The following NAV1 variants were observed in gnomAD, a reference collection of about 807,000 sequenced individuals.
NAV1 encodes the protein neuron navigator 1.
A neutral mutation model predicts 175.2 loss-of-function variants in NAV1; 18 were observed. The observed-to-expected ratio is 0.10, with a 90% confidence interval of 0.07 to 0.15. The LOEUF (loss-of-function observed/expected upper bound fraction) is 0.15. Ranked by LOEUF, NAV1 falls within the 10% of genes least tolerant of loss-of-function variation. The pLI, the probability that NAV1 is intolerant of heterozygous loss-of-function variation, is 1.00. For missense variants in NAV1, 1,731 were observed against 2,436.6 expected (o/e 0.71, Z 6.10); for synonymous variants, 897 against 978.7 (o/e 0.92, Z 1.56).
chr1:201,721,478 G>T (rs934851727), intron 3 of NAV1, among the ~76,000 whole-genome samples: 2 of 147,964 alleles, frequency 1.4e-5, no homozygotes, highest in African/African-American at 2.7e-5. Context: ...GGATTCCAGC[G>T]ACTCTTTAAG....
intron 1 of NAV1, among the ~76,000 whole-genome samples, chr1:201,663,214 G>A (rs1430724827): frequency 6.6e-6 from 1 of 152,342 alleles, no homozygotes; most frequent in East Asian, 1.9e-4. Flanking sequence ...AGTTGCCTTT[G>A]GCAAAGGTTT....
chr1:201,627,738 T>C (rs1402615631), intron 1 of NAV1, among the ~76,000 whole-genome samples: 1 of 152,102 alleles, frequency 6.6e-6, no homozygotes, highest in Non-Finnish European at 1.5e-5. Context: ...ACCAATATGT[T>C]GCATCCCCTA....
chr1:201,702,871 A>G (rs914976197), intron 1 of NAV1, among the ~76,000 whole-genome samples: 17 of 152,146 alleles, frequency 1.1e-4, no homozygotes, highest in Non-Finnish European at 1.9e-4. Context: ...GTTTTTCTCA[A>G]CTGTAAAATG....
chr1:201,574,859 G>A (rs994285749), intron 1 of NAV1, among the ~76,000 whole-genome samples: 2 of 152,156 alleles, frequency 1.3e-5, no homozygotes, highest in African/African-American at 4.8e-5. Context: ...GGGGCTTGTT[G>A]CCCCCGCCAC....
At chr1:201,700,581 C>A (rs1671372576) in intron 1 of NAV1, among the ~76,000 whole-genome samples, 1 of 152,180 alleles carries the variant, frequency 6.6e-6, no homozygotes, top group Admixed American at 6.5e-5. Context: ...GATTCCATTA[C>A]TAAGTATATA....
At chr1:201,550,010 CAAAAAAAA>C (rs1186985996) in intron 1 of NAV1, among the ~76,000 whole-genome samples, 2 of 17,696 alleles carry the variant, frequency 1.1e-4, no homozygotes. Context: ...GACTCCATCT[CAAAAAAAA>C]AAAAAAAAAA....
chr1:201,790,793 CA>C, intron 13 of NAV1, 27 bp downstream of exon 17: 1 of 1,611,928 alleles, frequency 6.2e-7, no homozygotes, highest in Non-Finnish European at 8.5e-7. Context: ...ACGGAAAGAT[CA>C]AGGCAGTTAT....
chr1:201,607,158 C>T (rs1003909798), intron 2 of NAV1, among the ~76,000 whole-genome samples: 1 of 150,472 alleles, frequency 6.6e-6, no homozygotes, highest in Non-Finnish European at 1.5e-5. Flanking sequence ...CTCTGTCACC[C>T]AGGCTGGAGT....
At chr1:201,625,848 C>T (rs1668316532) in intron 1 of NAV1, among the ~76,000 whole-genome samples, 1 of 152,228 alleles carries the variant, frequency 6.6e-6, no homozygotes, top group Non-Finnish European at 1.5e-5. Flanking sequence ...GCTCAGAATT[C>T]TTCATTCAAA....
At chr1:201,806,038 G>A (rs1477332175) in intron 17 of NAV1, among the ~76,000 whole-genome samples, 1 of 148,824 alleles carries the variant, frequency 6.7e-6, no homozygotes, top group Non-Finnish European at 1.5e-5. Context: ...AGGCTGGAAT[G>A]CAGTGACGCG....
intron 3 of NAV1, among the ~76,000 whole-genome samples, chr1:201,727,140 C>G (rs1672641269): frequency 6.6e-6 from 1 of 152,196 alleles, no homozygotes; most frequent in Non-Finnish European, 1.5e-5. Context: ...ATCATAAATG[C>G]TGTCTTATGT....
At chr1:201,672,099 G>A (rs981977085) in intron 1 of NAV1, among the ~76,000 whole-genome samples, 5 of 152,000 alleles carry the variant, frequency 3.3e-5, no homozygotes, top group Admixed American at 6.5e-5. Flanking sequence ...TCACACTGAG[G>A]CCACTACTAA....
exon 30 of NAV1, chr1:201,823,025 T>C (rs1468878714): frequency 1.3e-5 from 2 of 152,630 alleles, no homozygotes; most frequent in South Asian, 4.1e-4. Context: ...ACTGGGATCC[T>C]TCAGAAAAGA....
intron 22 of NAV1, 72 bp downstream of exon 26, chr1:201,809,609 G>T: frequency 6.9e-7 from 1 of 1,439,494 alleles, no homozygotes; most frequent in Non-Finnish European, 9.6e-7. Flanking sequence ...TAGAGACAGG[G>T]TCTCACTCTT....
At chr1:201,753,031 G>T (rs1351291867) in intron 3 of NAV1, among the ~76,000 whole-genome samples, 2 of 152,086 alleles carry the variant, frequency 1.3e-5, no homozygotes, top group African/African-American at 4.8e-5. Flanking sequence ...CAAATTAAAG[G>T]TTACCTTGTA....
intron 7 of NAV1, 96 bp from the exon 12 acceptor site, chr1:201,785,214 G>T: frequency 7.5e-7 from 1 of 1,331,742 alleles, no homozygotes; most frequent in Admixed American, 2.0e-5. Flanking sequence ...TCTAGGGTCT[G>T]CATACCTCAC....
At chr1:201,627,163 T>C (rs1251121103) in intron 1 of NAV1, among the ~76,000 whole-genome samples, 3 of 152,198 alleles carry the variant, frequency 2.0e-5, no homozygotes, top group Non-Finnish European at 4.4e-5. Flanking sequence ...GGCACAGTCA[T>C]AGCTCACTGT....
intron 1 of NAV1, among the ~76,000 whole-genome samples, chr1:201,678,134 G>A (rs540632385): frequency 7.9e-5 from 12 of 152,252 alleles, no homozygotes; most frequent in Non-Finnish European, 1.8e-4. Flanking sequence ...TTGCATTTTC[G>A]CACCACCCTG....
At chr1:201,727,824 G>T (rs1672673910) in intron 3 of NAV1, among the ~76,000 whole-genome samples, 1 of 152,174 alleles carries the variant, frequency 6.6e-6, no homozygotes, top group African/African-American at 2.4e-5. Context: ...AGGAAGCATG[G>T]GTATTTATAT....
Sources: gnomAD v4.1 joint callset for allele counts (sites outside exome capture counted in the v4.1 genomes callset) on GRCh38, gnomAD v4.1.1 for gene constraint, MANE v1.5 for transcripts, NCBI Gene and HGNC (gene_info 2026-07-23, HGNC 2026-07-21) for gene names.